The following ESRRG variants were observed in gnomAD, a reference collection of about 807,000 sequenced individuals.
ESRRG encodes the protein estrogen-related receptor gamma.
A neutral mutation model predicts 44.0 loss-of-function variants in ESRRG; 13 were observed. The ratio of observed to expected loss-of-function variants is 0.30; its 90% CI spans 0.19 to 0.47. The LOEUF is 0.47. Ranked by LOEUF, ESRRG falls within the 20% of genes least tolerant of loss-of-function variation. ESRRG has a pLI of 1.00. For synonymous variants in ESRRG, 215 were observed against 214.6 expected, an observed-to-expected ratio of 1.00 and a Z score of -0.02; for missense variants, 395 against 580.6, an observed-to-expected ratio of 0.68 and a Z score of 3.29.
intron 1 of ESRRG, among the ~76,000 whole-genome samples, chr1:216,717,509 G>A (rs891808059): frequency 6.6e-6 from 1 of 151,764 alleles, no homozygotes; most frequent in Non-Finnish European, 1.5e-5. Context: ...ATAAAGAAGC[G>A]GTTAGCAGAA....
In ESRRG at chr1:216,853,057, C is replaced by T. The variant is rs1451642797; in HGVS notation, c.-14+86525G>A. 2.6e-5 allele frequency among the ~76,000 whole-genome samples: 4 copies of T among 152,314 alleles called. No homozygotes were observed. In the East Asian group the frequency reaches 7.7e-4, roughly 29 times the overall value. ...CTGTCCTTTACAAACAGTTCCCAAA[C>T]TTTGTAATACTCTACATGTTAGTCA... On this transcript the variant is annotated intron_variant, in intron 2 of 7. Transcript: ENST00000359162.
Position 216,968,513 on chromosome 1 carries a change from C to T in ESRRG, c.-105-28840G>A, listed in dbSNP as rs574458371. 1.2e-3 allele frequency among the ~76,000 whole-genome samples: 176 copies of T among 152,112 alleles called. 1 individual carries two copies. The highest frequency in any genetic ancestry group is 3.9e-3 in the African/African-American group (163 of 41,510). On this transcript the variant is annotated intron_variant, in intron 1 of 7. Coordinates refer to the ESRRG transcript ENST00000359162. ...AGGCTATTTTTTCCCCATTGTATTTCCCCAGCTCCATTGTCAAAGATTAAC... is the reference window on the plus strand; with the variant it reads ...AGGCTATTTTTTCCCCATTGTATTTTCCCAGCTCCATTGTCAAAGATTAAC...
Position 216,909,037 on chromosome 1 carries a change from A to G in ESRRG, c.-14+30545T>C, listed in dbSNP as rs529947303. Among the ~76,000 whole-genome samples, 9 of 152,284 alleles carry G rather than the reference A, an allele frequency of 5.9e-5. No individual in the cohort carries two copies. The South Asian group carries it at 1.9e-3, about 32-fold the overall frequency. On this transcript the variant is annotated intron_variant, in intron 2 of 7. Coordinates refer to the ESRRG transcript ENST00000359162. ...GGCCAGATCCTCACAAAGCACACATATATTTCCTCGACCTCTACTTTTCGA... is the reference window on the plus strand; with the variant it reads ...GGCCAGATCCTCACAAAGCACACATGTATTTCCTCGACCTCTACTTTTCGA...
chr1:216,763,860 T>C (rs920358495), intron 2 of ESRRG, among the ~76,000 whole-genome samples: 1 of 152,114 alleles, frequency 6.6e-6, no homozygotes, highest in African/African-American at 2.4e-5. Flanking sequence ...CCTATGTAGG[T>C]TTGTGATTAT....
At chr1:216,779,187 ATATATT>A (rs1553603057) in intron 2 of ESRRG, among the ~76,000 whole-genome samples, 18 of 81,336 alleles carry the variant, frequency 2.2e-4, no homozygotes, top group African/African-American at 8.4e-4. Flanking sequence ...TTATATAAAT[ATATATT>A]TATATTTATA....
chr1:216,960,126 G>A (rs563437744), intron 1 of ESRRG, among the ~76,000 whole-genome samples: 1 of 122,434 alleles, frequency 8.2e-6, no homozygotes, highest in Non-Finnish European at 2.0e-5. Flanking sequence ...GAAGAATAAA[G>A]TCTGTAATGT....
intron 5 of ESRRG, among the ~76,000 whole-genome samples, chr1:216,535,758 A>G (rs1388925487): frequency 6.6e-6 from 1 of 151,996 alleles, no homozygotes; most frequent in Non-Finnish European, 1.5e-5. Flanking sequence ...ATAAAATCTT[A>G]CTTCCATACT....
At chr1:216,702,752 G>A (rs780686344) in intron 1 of ESRRG, among the ~76,000 whole-genome samples, 8 of 148,798 alleles carry the variant, frequency 5.4e-5, no homozygotes, top group Non-Finnish European at 8.9e-5. Context: ...ACTCCAGCCT[G>A]GGAAACAGAG....
chr1:217,013,800 T>TCCA (rs201236964), intron 1 of ESRRG, among the ~76,000 whole-genome samples: 1 of 103,312 alleles, frequency 9.7e-6, no homozygotes, highest in Non-Finnish European at 2.0e-5. Flanking sequence ...AGCACAGTGC[T>TCCA]CCCTGACTGG....
chr1:216,800,133 T>C (rs1434071320), intron 2 of ESRRG, among the ~76,000 whole-genome samples: 1 of 152,154 alleles, frequency 6.6e-6, no homozygotes, highest in Non-Finnish European at 1.5e-5. Flanking sequence ...TTTGAACTAA[T>C]AAAACAGATG....
chr1:216,600,741 A>C lies in ESRRG; in HGVS notation c.590-32643T>G, dbSNP rs374625424. ...CATTTATCTGAAGTCCTGTGAAAAA[A>C]CTTTACAATTAGGGACCATGTCGTT... On this transcript the variant is annotated intron_variant, in intron 3 of 6. Coordinates refer to ENST00000408911, the MANE Select transcript of ESRRG (RefSeq NM_001438.4). 2.0e-5 allele frequency among the ~76,000 whole-genome samples: 3 copies of C among 152,244 alleles called. No individual in the cohort carries two copies. The East Asian group carries it at 5.8e-4, about 29-fold the overall frequency.
intron 5 of ESRRG, among the ~76,000 whole-genome samples, chr1:216,545,920 A>T (rs1400114284): frequency 3.9e-5 from 6 of 152,062 alleles, no homozygotes; most frequent in Admixed American, 1.3e-4. Context: ...ATATTTATTG[A>T]TCTTATTGAT....
chr1:216,912,226 GAGA>G (rs2060529652), intron 2 of ESRRG, among the ~76,000 whole-genome samples: 2 of 35,420 alleles, frequency 5.6e-5, no homozygotes, highest in African/African-American at 2.3e-4. Context: ...GAGAGGAGAG[GAGA>G]GGAGAGGAGA....
chr1:217,111,625 A>G lies in ESRRG; in HGVS notation c.-230+26042T>C, dbSNP rs17045268. Among the ~76,000 whole-genome samples, 8 of 151,984 alleles carry G rather than the reference A, an allele frequency of 5.3e-5. 1 individual carries two copies. The highest frequency in any genetic ancestry group is 2.1e-4 in the South Asian group (1 of 4,828). The stretch of plus-strand genomic sequence containing the variant: ...AAGTTTTTTTTCAAGATTTCTCTGG[A>G]TTAAAATTTCTTATGTCTCCCCCAC... On this transcript the variant is annotated intron_variant, in intron 1 of 8. Transcript: ENST00000366940.
At chr1:216,516,106 T>C (rs540662245) in intron 6 of ESRRG, among the ~76,000 whole-genome samples, 2 of 152,204 alleles carry the variant, frequency 1.3e-5, no homozygotes, top group East Asian at 3.9e-4. Context: ...TCTTTTAAAA[T>C]TCAGTTGCAC....
intron 4 of ESRRG, 29 bp from the exon 5 acceptor site, chr1:216,564,409 A>G (rs1425675722): frequency 2.6e-6 from 4 of 1,565,932 alleles, no homozygotes; most frequent in Non-Finnish European, 2.6e-6. Context: ...GCACTACAAG[A>G]TCACTAGTAG....
intron 2 of ESRRG, among the ~76,000 whole-genome samples, chr1:216,730,538 G>C (rs567232268): frequency 2.6e-4 from 40 of 152,136 alleles, no homozygotes; most frequent in Admixed American, 2.0e-3. Flanking sequence ...GCTGGGCTGG[G>C]CCTGACAGTA....
intron 1 of ESRRG, among the ~76,000 whole-genome samples, chr1:217,125,704 C>T (rs2092880733): frequency 6.6e-6 from 1 of 152,162 alleles, no homozygotes; most frequent in Non-Finnish European, 1.5e-5. Flanking sequence ...CCTCACTGAA[C>T]TGGAAGATCA....
At chr1:217,031,485 A>G (rs1279728114) in intron 1 of ESRRG, among the ~76,000 whole-genome samples, 1 of 152,260 alleles carries the variant, frequency 6.6e-6, no homozygotes, top group Non-Finnish European at 1.5e-5. Flanking sequence ...TTTCAACCTT[A>G]CAGCTTTCAG....
Sources: allele counts gnomAD v4.1 joint callset (sites outside exome capture counted in the v4.1 genomes callset), GRCh38; gene constraint gnomAD v4.1.1; transcripts MANE v1.5; gene names NCBI Gene and HGNC (gene_info 2026-07-23, HGNC 2026-07-21).